Variants in UGT1A6 observed in about 807,000 individuals in gnomAD.
UGT1A6 encodes the protein UDP glucuronosyltransferase family 1 member A6, also known as UDP-glucuronosyltransferase 1A6.
Under a neutral mutation model 44.4 loss-of-function variants are expected in UGT1A6, and 32 were observed. That is an observed-to-expected ratio of 0.72 (90% CI 0.54 to 0.97). The LOEUF (loss-of-function observed/expected upper bound fraction) is 0.97. Among genes scored for constraint, UGT1A6 ranks in the 50% least tolerant of loss-of-function variants. The pLI, the probability that UGT1A6 is intolerant of heterozygous loss-of-function variation, is 0.00. For synonymous variants in UGT1A6, 238 were observed against 248.5 expected, an observed-to-expected ratio of 0.96 and a Z score of 0.40; for missense variants, 685 against 661.9, an observed-to-expected ratio of 1.03 and a Z score of -0.38.
chr2:233,768,895 A>G (rs962281870), intron 4 of UGT1A6, among the ~76,000 whole-genome samples: 6 of 152,074 alleles, frequency 3.9e-5, no homozygotes, highest in African/African-American at 1.4e-4. Context: ...GGATTTATAA[A>G]TAAGATAATT....
rs939644938 is a variant in UGT1A6 at position 233,772,877 on chromosome 2, G to A, written c.*318G>A. On this transcript the variant is annotated 3_prime_UTR_variant, in exon 5 of 5. Coordinates refer to ENST00000305139, the MANE Select transcript of UGT1A6 (RefSeq NM_001072.4). Reference sequence around the variant, plus strand: ...TGAAACATGGCCTGTTTGGGAGTGCGGGATTCAAAGGTGGTCCCACGGCTG... The same window carrying A: ...TGAAACATGGCCTGTTTGGGAGTGCAGGATTCAAAGGTGGTCCCACGGCTG... 4.0e-5 allele frequency: 23 copies of A among 579,274 alleles called. No individual in the cohort carries two copies. The highest frequency in any genetic ancestry group is 3.1e-4 in the East Asian group (6 of 19,490). The allele number at this position is 579,274 out of a possible 1,614,324, so 35.9% of individuals were successfully genotyped here. A position where few individuals can be genotyped will look rare whatever the true frequency, so the allele number is the denominator to read the frequency against.
At chr2:233,729,508 T>G in intron 1 of UGT1A6, 2 of 1,614,204 alleles carry the variant, frequency 1.2e-6, no homozygotes. Context: ...TCATAGGTCT[T>G]GTGTGGAGCT....
chr2:233,693,365 C>T lies in UGT1A6; in HGVS notation c.361C>T (p.Leu121=). The stretch of plus-strand genomic sequence containing the variant: ...CAGGAATAACATGATTGTTATTGGC[C>T]TGTACTTCATCAACTGCCAGAGCCT... The part of the protein sequence containing the change: ...EYRNNMIVIG[L]YFINCQSLLQ... The change falls in exon 1 of 5, where the codon CTG becomes TTG. Residue 121 remains leucine (L), a synonymous_variant. Coordinates refer to ENST00000305139, the MANE Select transcript of UGT1A6 (RefSeq NM_001072.4). 1.2e-6 allele frequency: 2 copies of T among 1,614,176 alleles called. No homozygotes were observed. Among genetic ancestry groups the T allele is most frequent in the South Asian group, 2.2e-5 (2 of 91,086 alleles).
At chr2:233,738,057 T>A (rs1690675558) in intron 1 of UGT1A6, among the ~76,000 whole-genome samples, 2 of 152,114 alleles carry the variant, frequency 1.3e-5, no homozygotes, top group Admixed American at 1.3e-4. Flanking sequence ...CAGGACATGG[T>A]GGGAGGTCCC....
intron 1 of UGT1A6, among the ~76,000 whole-genome samples, chr2:233,751,671 A>T (rs1207862608): frequency 6.6e-6 from 1 of 152,074 alleles, no homozygotes; most frequent in Admixed American, 6.6e-5. Context: ...GTGAGTTCTA[A>T]TGAGAGCTGA....
intron 1 of UGT1A6, among the ~76,000 whole-genome samples, chr2:233,726,182 C>A (rs2077513267): frequency 6.6e-6 from 1 of 152,136 alleles, no homozygotes; most frequent in Admixed American, 6.6e-5. Flanking sequence ...ATAAAAATTT[C>A]TTTGGCATAT....
chr2:233,767,556 C>T (rs1699418440), intron 2 of UGT1A6, among the ~76,000 whole-genome samples: 1 of 152,172 alleles, frequency 6.6e-6, no homozygotes, highest in African/African-American at 2.4e-5. Flanking sequence ...GTTCTGCATC[C>T]ACTTGTTTCA....
Position 233,772,318 on chromosome 2 carries a change from C to G in UGT1A6, c.1358C>G (p.Pro453Arg). The change falls in exon 5 of 5, where the codon CCG (proline) becomes CGG (arginine). Residue 453 changes from proline to arginine, a missense_variant. Physicochemically the swap from Pro to Arg is moderately radical, Grantham distance 103. Coordinates refer to ENST00000305139, the MANE Select transcript of UGT1A6 (RefSeq NM_001072.4). ...CTTCACAAGGACCGCCCGGTGGAGC[C>G]GCTGGACCTGGCCGTGTTCTGGGTG... The part of the protein sequence containing the change: ...SSLHKDRPVE[P>R]LDLAVFWVEF... 1 of 1,614,230 alleles carries G rather than the reference C, an allele frequency of 6.2e-7. No individual in the cohort carries two copies.
intron 1 of UGT1A6, among the ~76,000 whole-genome samples, chr2:233,726,421 T>C (rs1301909169): frequency 6.6e-6 from 1 of 152,226 alleles, no homozygotes; most frequent in African/African-American, 2.4e-5. Context: ...TCTGATTCTG[T>C]CCACTCTTAA....
intron 1 of UGT1A6, among the ~76,000 whole-genome samples, chr2:233,757,540 A>ATATACATATACT (rs1559403688): frequency 8.6e-6 from 1 of 116,538 alleles, no homozygotes; most frequent in Admixed American, 8.4e-5. Flanking sequence ...TAAGGAATAT[A>ATATACATATACT]TATATATATA....
intron 1 of UGT1A6, among the ~76,000 whole-genome samples, chr2:233,705,201 A>C (rs1219685383): frequency 1.3e-5 from 2 of 151,986 alleles, no homozygotes; most frequent in Non-Finnish European, 2.9e-5. Flanking sequence ...TGCCTTTTAT[A>C]ACTACATGAT....
intron 1 of UGT1A6, chr2:233,713,838 A>G (rs919092029): frequency 6.2e-7 from 1 of 1,613,974 alleles, no homozygotes. Context: ...CAACTGTGCC[A>G]ACGGGAAGCC....
At chr2:233,724,781 A>C (rs1318999915) in intron 1 of UGT1A6, among the ~76,000 whole-genome samples, 2 of 140,898 alleles carry the variant, frequency 1.4e-5, no homozygotes, top group Admixed American at 7.0e-5. Flanking sequence ...GACACTCCTC[A>C]CTTCCCAGAC....
chr2:233,744,129 A>C (rs1002862654), intron 1 of UGT1A6: 5 of 357,290 alleles, frequency 1.4e-5, no homozygotes, highest in African/African-American at 1.1e-4. Flanking sequence ...AGGCTCTGTG[A>C]GGCCCTGTGA....
rs374047963 is a variant in UGT1A6 at position 233,768,235 on chromosome 2, G to C, written c.1097G>C (p.Arg366Pro). 6.2e-7 allele frequency: 1 copy of C among 1,614,136 alleles called. No individual in the cohort carries two copies. The highest frequency in any genetic ancestry group is 1.3e-5 in the African/African-American group (1 of 75,020). Reference sequence around the variant, plus strand: ...TGCATCTCAGGTCACCCGATGACCCGTGCCTTTATCACCCATGCTGGTTCC... The same window carrying C: ...TGCATCTCAGGTCACCCGATGACCCCTGCCTTTATCACCCATGCTGGTTCC... ...QNDLLGHPMT[R>P]AFITHAGSHG... Residue 366 changes from arginine to proline, a missense_variant, in exon 4 of 5, where the codon CGT becomes CCT. Arg to Pro is a moderately radical substitution (Grantham distance 103). Transcript: ENST00000305139.
At chr2:233,704,368 C>G in intron 1 of UGT1A6, among the ~76,000 whole-genome samples, 1 of 150,424 alleles carries the variant, frequency 6.6e-6, no homozygotes, top group East Asian at 1.9e-4. Context: ...TGTTCTAGGG[C>G]TTAGCACATC....
At chr2:233,747,925 T>C in intron 1 of UGT1A6, 1 of 1,613,432 alleles carries the variant, frequency 6.2e-7, no homozygotes, top group South Asian at 1.1e-5. Flanking sequence ...GCCTCTGAGC[T>C]TTTTCAGAGG....
intron 1 of UGT1A6, chr2:233,743,004 A>G (rs1469348172): frequency 4.2e-6 from 1 of 237,384 alleles, no homozygotes; most frequent in Admixed American, 5.1e-5. Context: ...GCATACAGAT[A>G]TTTTACAACG....
chr2:233,767,045 C>G lies in UGT1A6; in HGVS notation c.873C>G (p.Ala291=), dbSNP rs900263261. 1.9e-6 allele frequency: 3 copies of G among 1,614,006 alleles called. No homozygotes were observed. The African/African-American group carries it at 4.0e-5, about 22-fold the overall frequency. The change falls in exon 2 of 5, where the codon GCC becomes GCG. Residue 291 remains alanine, a synonymous_variant. Coordinates refer to ENST00000305139, the MANE Select transcript of UGT1A6 (RefSeq NM_001072.4). ...KRKDLSQEFE[A]YINASGEHGI... is the part of the protein sequence containing the mutation. ...TCTTCTGGCTCTAGGAATTTGAAGC[C>G]TACATTAATGCTTCTGGAGAACATG...
Sources: allele counts gnomAD v4.1 joint callset (sites outside exome capture counted in the v4.1 genomes callset), GRCh38; gene constraint gnomAD v4.1.1; transcripts MANE v1.5; gene names NCBI Gene and HGNC (gene_info 2026-07-23, HGNC 2026-07-21).